NPSR1: variants seen among roughly 807,000 people sequenced by gnomAD.
NPSR1 encodes the protein neuropeptide S receptor.
In NPSR1, 48 loss-of-function variants were observed where a neutral mutation model predicts 46.9. The observed-to-expected ratio is 1.02, with a 90% confidence interval of 0.81 to 1.30. The LOEUF (loss-of-function observed/expected upper bound fraction) is 1.30, where lower values mean the gene tolerates loss of function less well. Ranked by LOEUF, NPSR1 falls within the 50% of genes most tolerant of loss-of-function variation. The probability of loss-of-function intolerance (pLI) is 0.00; values close to 1 mark genes in which losing one functional copy is unlikely to be tolerated. For missense variants in NPSR1, 450 were observed against 449.5 expected (o/e 1.00, Z -0.01); for synonymous variants, 176 against 168.1 (o/e 1.05, Z -0.36).
chr7:34,842,615 G>A (rs374741079), intron 6 of NPSR1, among the ~76,000 whole-genome samples: 1 of 152,182 alleles, frequency 6.6e-6, no homozygotes, highest in African/African-American at 2.4e-5. Context: ...CCCATGAAAC[G>A]CACAGAATAA....
At chr7:34,719,123 T>C (rs1211663068) in intron 2 of NPSR1, 4 of 152,484 alleles carry the variant, frequency 2.6e-5, no homozygotes, top group Admixed American at 6.5e-5. Context: ...TGGAAGTTTA[T>C]CTGGAGCTAA....
chr7:34,713,214 G>C (rs1440416696), intron 2 of NPSR1, among the ~76,000 whole-genome samples: 1 of 152,150 alleles, frequency 6.6e-6, no homozygotes, highest in African/African-American at 2.4e-5. Flanking sequence ...AGGAACAATA[G>C]AATACAACTG....
rs888464151 is a variant in NPSR1, at chr7:34,849,903, C to T, written c.*248C>T. Reference sequence around the variant, plus strand: ...TCCCCACCATTCCCAGCCCTCCTTCCCACTGGCCAGCACCTGAACCCAGTG... The same window carrying T: ...TCCCCACCATTCCCAGCCCTCCTTCTCACTGGCCAGCACCTGAACCCAGTG... On this transcript the variant is annotated 3_prime_UTR_variant, in exon 9 of 9. Coordinates refer to ENST00000360581, the MANE Select transcript of NPSR1 (RefSeq NM_207172.2). The T allele has an allele frequency of 4.7e-6, 6 of 1,274,446 alleles. No individual in the cohort carries two copies. Among genetic ancestry groups the T allele is most frequent in the South Asian group, 1.8e-5 (1 of 54,866 alleles). 78.9% of individuals were successfully genotyped at this position (1,274,446 alleles called of 1,614,324 possible).
downstream of NPSR1, among the ~76,000 whole-genome samples, chr7:34,853,845 A>G (rs1790994129): frequency 6.6e-6 from 1 of 152,120 alleles, no homozygotes; most frequent in Admixed American, 6.5e-5. Flanking sequence ...GGCCGCCTGT[A>G]ATCTCAGCTA....
intron 2 of NPSR1, among the ~76,000 whole-genome samples, chr7:34,689,620 A>AAAAAAAAAAG (rs1793134318): frequency 2.4e-5 from 3 of 126,274 alleles, no homozygotes; most frequent in African/African-American, 3.5e-5. Flanking sequence ...AAAAAAAAAA[A>AAAAAAAAAAG]AAAAAAAAAA....
At chr7:34,705,629 C>T (rs1794068199) in intron 2 of NPSR1, among the ~76,000 whole-genome samples, 1 of 151,982 alleles carries the variant, frequency 6.6e-6, no homozygotes, top group Non-Finnish European at 1.5e-5. Flanking sequence ...CTCTCTCATA[C>T]ACACACATAA....
At chr7:34,716,301 C>A (rs35260880) in intron 2 of NPSR1, among the ~76,000 whole-genome samples, 35,524 of 151,958 alleles carry the variant, frequency 0.23, 4,813 homozygotes, top group African/African-American at 0.39. Flanking sequence ...AAAATGATGG[C>A]AAATAACACA....
At chr7:34,871,908 G>C (rs1379966989) in intron 8 of NPSR1, among the ~76,000 whole-genome samples, 1 of 151,812 alleles carries the variant, frequency 6.6e-6, no homozygotes, top group Non-Finnish European at 1.5e-5. Flanking sequence ...GAGTTTGCAA[G>C]CTGCCAATCT....
intron 2 of NPSR1, among the ~76,000 whole-genome samples, chr7:34,694,034 G>A (rs543976870): frequency 2.0e-5 from 3 of 152,160 alleles, no homozygotes; most frequent in African/African-American, 7.2e-5. Context: ...CAAACCTACA[G>A]CCAACATTAT....
intron 2 of NPSR1, among the ~76,000 whole-genome samples, chr7:34,713,072 T>C (rs921612458): frequency 6.6e-6 from 1 of 152,158 alleles, no homozygotes; most frequent in African/African-American, 2.4e-5. Context: ...GCAGGTGTAA[T>C]CTTAAGGACA....
At chr7:34,703,141 C>T (rs1404160605) in intron 2 of NPSR1, among the ~76,000 whole-genome samples, 1 of 152,126 alleles carries the variant, frequency 6.6e-6, no homozygotes, top group Non-Finnish European at 1.5e-5. Flanking sequence ...GGGCGGATCA[C>T]GAGGTCAGGA....
chr7:34,791,040 T>C (rs1212935803), intron 3 of NPSR1, among the ~76,000 whole-genome samples: 4 of 122,162 alleles, frequency 3.3e-5, no homozygotes, highest in Non-Finnish European at 6.2e-5. Flanking sequence ...TTATATATTA[T>C]ATTATATATG....
chr7:34,728,826 G>C (rs1784285942), intron 2 of NPSR1: 3 of 152,560 alleles, frequency 2.0e-5, no homozygotes, highest in Admixed American at 2.0e-4. Flanking sequence ...GCTGTAAATG[G>C]GAACAAAGAG....
intron 2 of NPSR1, among the ~76,000 whole-genome samples, chr7:34,724,628 T>C (rs1784039630): frequency 6.6e-6 from 1 of 152,194 alleles, no homozygotes; most frequent in Non-Finnish European, 1.5e-5. Context: ...TATCTGGTGG[T>C]CTGCACATAG....
intron 2 of NPSR1, among the ~76,000 whole-genome samples, chr7:34,727,851 G>A (rs1294459290): frequency 6.6e-6 from 1 of 152,092 alleles, no homozygotes; most frequent in Non-Finnish European, 1.5e-5. Flanking sequence ...TTGAGCCTAT[G>A]TGAGTGTAAC....
intron 1 of NPSR1, among the ~76,000 whole-genome samples, chr7:34,678,081 TTTCTC>T (rs1334334436): frequency 4.6e-5 from 7 of 152,280 alleles, no homozygotes; most frequent in African/African-American, 1.4e-4. Flanking sequence ...TGCTTTAACT[TTTCTC>T]TTCCTTCTTC....
Position 34,811,711 on chromosome 7 carries a change from A to G in NPSR1, c.385-59A>G, listed in dbSNP as rs978517829. On this transcript the variant is annotated intron_variant, in intron 3 of 8. Transcript: ENST00000360581. ...AATAACACAAGGTGCTATTCTTTCC[A>G]TTATGTGCCTTCCCTCACCTCTCTG... The G allele has an allele frequency of 8.4e-6, 10 of 1,197,112 alleles. No homozygotes were observed. The African/African-American group carries it at 1.2e-4, about 15-fold the overall frequency. 74.2% of individuals were successfully genotyped at this position (1,197,112 alleles called of 1,614,324 possible).
chr7:34,768,800 A>G (rs1337468915), intron 2 of NPSR1, among the ~76,000 whole-genome samples: 1 of 152,218 alleles, frequency 6.6e-6, no homozygotes, highest in Non-Finnish European at 1.5e-5. Context: ...AATAATAGTA[A>G]GAATACAGAG....
chr7:34,848,441 A>T, intron 7 of NPSR1, 42 bp from the exon 8 acceptor site: 1 of 1,590,822 alleles, frequency 6.3e-7, no homozygotes, highest in Non-Finnish European at 8.6e-7. Flanking sequence ...AGACCCCTCA[A>T]CTGCTACCTG....
Sources: gnomAD v4.1 joint callset for allele counts (sites outside exome capture counted in the v4.1 genomes callset) on GRCh38, gnomAD v4.1.1 for gene constraint, MANE v1.5 for transcripts, NCBI Gene and HGNC (gene_info 2026-07-23, HGNC 2026-07-21) for gene names.